ATP10D: variants seen among roughly 807,000 people sequenced by gnomAD.
ATP10D encodes ATPase phospholipid transporting 10D (putative), also known as phospholipid-transporting ATPase VD.
Under a neutral mutation model 144.8 loss-of-function variants are expected in ATP10D, and 89 were observed. That is an observed-to-expected ratio of 0.61 (90% confidence interval 0.52 to 0.73). The LOEUF (loss-of-function observed/expected upper bound fraction) is 0.73, where lower values mean the gene tolerates loss of function less well. Among genes scored for constraint, ATP10D ranks in the 30% least tolerant of loss-of-function variants. ATP10D has a pLI of 0.00. For missense variants in ATP10D, 1,603 were observed against 1,714.8 expected, an observed-to-expected ratio of 0.93 and a Z score of 1.15; for synonymous variants, 571 against 615.1, an observed-to-expected ratio of 0.93 and a Z score of 1.06.
At chr4:47,549,950 C>CT (rs57539413) in intron 10 of ATP10D, among the ~76,000 whole-genome samples, 1,895 of 128,172 alleles carry the variant, frequency 0.015, 21 homozygotes, top group Admixed American at 0.021. Flanking sequence ...TCACCTTTGT[C>CT]TTTTTTTTTT....
At chr4:47,520,518 T>C (rs563959396) in intron 3 of ATP10D, among the ~76,000 whole-genome samples, 5 of 152,118 alleles carry the variant, frequency 3.3e-5, no homozygotes, top group Non-Finnish European at 5.9e-5. Context: ...CCTTATTCTT[T>C]TCATAGGTAA....
At chr4:47,496,795 T>C (rs1715402926) in intron 1 of ATP10D, among the ~76,000 whole-genome samples, 1 of 152,058 alleles carries the variant, frequency 6.6e-6, no homozygotes, top group African/African-American at 2.4e-5. Context: ...CATGTGACTA[T>C]TAAACCAGAA....
At chr4:47,583,195 A>G (rs1336381996) in intron 21 of ATP10D, 1 of 152,176 alleles carries the variant, frequency 6.6e-6, no homozygotes, top group Non-Finnish European at 1.5e-5. Context: ...GCATTAGCCT[A>G]TGCTCTCTGC....
intron 1 of ATP10D, among the ~76,000 whole-genome samples, chr4:47,506,781 G>A (rs1033132031): frequency 6.6e-6 from 1 of 152,144 alleles, no homozygotes; most frequent in African/African-American, 2.4e-5. Context: ...TCAAGACAGG[G>A]TTCCTATGGT....
chr4:47,500,968 C>T (rs1004832241), intron 1 of ATP10D, among the ~76,000 whole-genome samples: 7 of 152,120 alleles, frequency 4.6e-5, no homozygotes, highest in South Asian at 2.1e-4. Context: ...GCGGTCAGGA[C>T]GTTAAAGTGA....
intron 1 of ATP10D, among the ~76,000 whole-genome samples, chr4:47,507,377 C>T (rs1286485199): frequency 6.6e-6 from 1 of 152,150 alleles, no homozygotes; most frequent in Non-Finnish European, 1.5e-5. Flanking sequence ...AGAACCTGTG[C>T]TCTTTATCAC....
At chr4:47,486,266 T>C (rs1305122427) in intron 1 of ATP10D, among the ~76,000 whole-genome samples, 1 of 152,260 alleles carries the variant, frequency 6.6e-6, no homozygotes, top group Non-Finnish European at 1.5e-5. Flanking sequence ...TCTGGGACCC[T>C]GTGCCTTTAG....
intron 15 of ATP10D, among the ~76,000 whole-genome samples, chr4:47,565,625 T>C (rs1719590168): frequency 6.6e-6 from 1 of 152,002 alleles, no homozygotes; most frequent in Admixed American, 6.6e-5. Context: ...AAATATAAAT[T>C]GTTTAATGCG....
intron 9 of ATP10D, among the ~76,000 whole-genome samples, chr4:47,545,459 T>C (rs998888041): frequency 6.6e-6 from 1 of 152,192 alleles, no homozygotes; most frequent in Non-Finnish European, 1.5e-5. Flanking sequence ...AGGAGACCAG[T>C]TATGAGACTA....
rs10010904 is a variant in ATP10D, at chr4:47,487,828, C to T, written c.-38+2309C>T. ...TCAATACAACTATTTGAGGCAATTA[C>T]GTGGTATTATGTATTAAAACCTGTG... On this transcript the variant is annotated intron_variant, in intron 1 of 22. Transcript: ENST00000273859. Among the ~76,000 whole-genome samples the T allele has an allele frequency of 5.2e-3, 792 of 152,196 alleles. 5 individuals are homozygous for T. Among genetic ancestry groups the T allele is most frequent in the African/African-American group, 0.018 (736 of 41,510 alleles).
intron 22 of ATP10D, among the ~76,000 whole-genome samples, chr4:47,590,232 T>G (rs1560461940): frequency 1.3e-5 from 2 of 152,102 alleles, no homozygotes; most frequent in Admixed American, 1.3e-4. Context: ...GTCAAAGTTG[T>G]GTCCTGATTT....
At chr4:47,539,499 T>C (rs1718023864) in intron 9 of ATP10D, among the ~76,000 whole-genome samples, 1 of 152,202 alleles carries the variant, frequency 6.6e-6, no homozygotes, top group Admixed American at 6.5e-5. Context: ...CACATATGTA[T>C]ATGTTTTTGT....
At chr4:47,572,040 G>T in intron 16 of ATP10D, 114 bp from the exon 17 acceptor site, 1 of 941,814 alleles carries the variant, frequency 1.1e-6, no homozygotes, top group Non-Finnish European at 1.7e-6. Flanking sequence ...TTGGAGAACG[G>T]GATGAACTTT....
At chr4:47,514,756 TTAAATC>T (rs1417630006) in intron 2 of ATP10D, among the ~76,000 whole-genome samples, 1 of 152,192 alleles carries the variant, frequency 6.6e-6, no homozygotes, top group African/African-American at 2.4e-5. Flanking sequence ...TGAGGCTTGT[TTAAATC>T]TAATGTTTGG....
chr4:47,539,401 A>G (rs934239821), intron 9 of ATP10D, among the ~76,000 whole-genome samples: 1 of 152,328 alleles, frequency 6.6e-6, no homozygotes, highest in South Asian at 2.1e-4. Context: ...TTCATCTTAT[A>G]GTAAAATTTA....
intron 9 of ATP10D, 121 bp downstream of exon 9, chr4:47,537,059 T>C: frequency 8.7e-7 from 1 of 1,148,284 alleles, no homozygotes; most frequent in Non-Finnish European, 1.2e-6. Flanking sequence ...GAGTACTTAA[T>C]GCTTCCAGAT....
chr4:47,557,584 A>G, intron 11 of ATP10D, 80 bp from the exon 12 acceptor site: 1 of 1,382,556 alleles, frequency 7.2e-7, no homozygotes, highest in Non-Finnish European at 9.6e-7. Flanking sequence ...TTTTATATCT[A>G]ATTTATTTCC....
At chr4:47,582,176 A>G (rs1720553016) in intron 21 of ATP10D, 112 bp downstream of exon 21, 8 of 866,016 alleles carry the variant, frequency 9.2e-6, no homozygotes, top group East Asian at 7.6e-5. Context: ...TAATGAATCT[A>G]TGGGAGAAGG....
In ATP10D at chr4:47,561,006, A is replaced by G; in HGVS notation, c.2599A>G (p.Ser867Gly). ...WLRNHFLAET[S>G]IDNREELLLE... ...GAGGAATCATTTTTTAGCTGAAACC[A>G]GCATTGACAACAGGGAAGAATTACT... The change falls in exon 14 of 23, where the codon AGC becomes GGC. Residue 867 changes from serine to glycine, a missense_variant. Physicochemically the swap from Ser to Gly is moderately conservative, Grantham distance 56 (BLOSUM62 0). Coordinates refer to ENST00000273859, the MANE Select transcript of ATP10D (RefSeq NM_020453.4). The G allele has an allele frequency of 1.2e-6, 2 of 1,614,142 alleles. No individual in the cohort carries two copies. Among genetic ancestry groups the G allele is most frequent in the Non-Finnish European group, 1.7e-6 (2 of 1,179,938 alleles).
Sources: allele counts gnomAD v4.1 joint callset (sites outside exome capture counted in the v4.1 genomes callset), GRCh38; gene constraint gnomAD v4.1.1; transcripts MANE v1.5; gene names NCBI Gene and HGNC (gene_info 2026-07-23, HGNC 2026-07-21).